CTNNA2: variants seen among roughly 807,000 people sequenced by gnomAD.
CTNNA2 encodes catenin alpha-2.
CTNNA2 carries 42 observed loss-of-function variants against 101.0 expected under a neutral mutation model. The observed-to-expected ratio is 0.42, with a 90% confidence interval of 0.32 to 0.54. The LOEUF (loss-of-function observed/expected upper bound fraction) is 0.54, where lower values mean the gene tolerates loss of function less well. Among genes scored for constraint, CTNNA2 ranks in the 20% least tolerant of loss-of-function variants. The pLI is 0.14. For missense variants in CTNNA2, 871 were observed against 1,223.1 expected (o/e 0.71, Z 4.29); for synonymous variants, 450 against 456.4 (o/e 0.99, Z 0.18).
chr2:79,768,998 G>A (rs1673376755), intron 3 of CTNNA2, among the ~76,000 whole-genome samples: 1 of 152,088 alleles, frequency 6.6e-6, no homozygotes. Context: ...GGGACTATAG[G>A]TGCCCGCCAC....
chr2:80,221,411 G>A (rs1367666043), intron 7 of CTNNA2, among the ~76,000 whole-genome samples: 1 of 152,182 alleles, frequency 6.6e-6, no homozygotes, highest in Non-Finnish European at 1.5e-5. Flanking sequence ...TGGCAAGTTG[G>A]AAAGAAATCC....
At chr2:79,757,425 T>C (rs1481128136) in intron 3 of CTNNA2, among the ~76,000 whole-genome samples, 1 of 152,220 alleles carries the variant, frequency 6.6e-6, no homozygotes, top group African/African-American at 2.4e-5. Context: ...GTTTAGAAGA[T>C]TGCCAATTCA....
intron 3 of CTNNA2, among the ~76,000 whole-genome samples, chr2:79,816,519 A>G (rs1455886752): frequency 6.6e-6 from 1 of 152,166 alleles, no homozygotes; most frequent in Non-Finnish European, 1.5e-5. Context: ...AGTTAATATA[A>G]AAAGAATGAG....
chr2:79,846,881 C>A (rs557528518), intron 3 of CTNNA2, among the ~76,000 whole-genome samples: 1 of 152,264 alleles, frequency 6.6e-6, no homozygotes, highest in South Asian at 2.1e-4. Context: ...TTATAACAAG[C>A]TAGAAACCAG....
chr2:79,961,649 C>G (rs1360639989), intron 7 of CTNNA2, among the ~76,000 whole-genome samples: 2 of 151,908 alleles, frequency 1.3e-5, no homozygotes, highest in Admixed American at 1.3e-4. Context: ...GGTGAAACCC[C>G]GTCTCTACTA....
chr2:79,738,752 C>G (rs1031173201), intron 2 of CTNNA2, among the ~76,000 whole-genome samples: 9 of 152,136 alleles, frequency 5.9e-5, no homozygotes, highest in African/African-American at 2.2e-4. Context: ...GACTCTGCTA[C>G]AGGAGGTGAG....
intron 7 of CTNNA2, among the ~76,000 whole-genome samples, chr2:80,094,705 T>G (rs1452788825): frequency 6.6e-6 from 1 of 152,182 alleles, no homozygotes; most frequent in African/African-American, 2.4e-5. Context: ...GTAATTCTCC[T>G]TGAAGAGGTC....
intron 7 of CTNNA2, among the ~76,000 whole-genome samples, chr2:80,004,708 T>TATTTATCC (rs1262182161): frequency 9.7e-5 from 13 of 133,830 alleles, no homozygotes; most frequent in African/African-American, 3.0e-4. Context: ...TTTATTTATT[T>TATTTATCC]ATCCATCCAT....
chr2:79,422,517 C>T (rs922707510), intron 4 of CTNNA2, among the ~76,000 whole-genome samples: 6 of 152,136 alleles, frequency 3.9e-5, no homozygotes, highest in Non-Finnish European at 8.8e-5. Flanking sequence ...AGCAGTCTTC[C>T]ATGGTTTTCT....
At chr2:80,220,770 C>A (rs1011575569) in intron 7 of CTNNA2, among the ~76,000 whole-genome samples, 1 of 152,176 alleles carries the variant, frequency 6.6e-6, no homozygotes, top group African/African-American at 2.4e-5. Context: ...AGTTAGAATT[C>A]TTTTCTGCTA....
intron 7 of CTNNA2, among the ~76,000 whole-genome samples, chr2:80,248,500 G>T (rs563015136): frequency 6.6e-6 from 1 of 152,188 alleles, no homozygotes; most frequent in South Asian, 2.1e-4. Context: ...CTCCAGATTC[G>T]TTGCATTAAA....
intron 3 of CTNNA2, among the ~76,000 whole-genome samples, chr2:79,827,336 C>T (rs1450183581): frequency 1.3e-5 from 2 of 152,090 alleles, no homozygotes; most frequent in East Asian, 3.9e-4. Flanking sequence ...CTGTGCCCGG[C>T]CAGATTGTAA....
In CTNNA2 at chr2:79,379,639, A is replaced by T. The variant is rs114799963; in HGVS notation, c.-135+5626A>T. ...TTAAGATGCTTCTACAAACATTTTCACACTTGTCCAACAATTTACTTGAGC... is the reference window on the plus strand; with the variant it reads ...TTAAGATGCTTCTACAAACATTTTCTCACTTGTCCAACAATTTACTTGAGC... On this transcript the variant is annotated intron_variant, in intron 4 of 21. Coordinates refer to the CTNNA2 transcript ENST00000466387. Among the ~76,000 whole-genome samples the T allele has an allele frequency of 5.3e-3, 807 of 152,322 alleles. 8 individuals carry two copies. Among genetic ancestry groups the T allele is most frequent in the African/African-American group, 0.018 (756 of 41,578 alleles).
intron 8 of CTNNA2, among the ~76,000 whole-genome samples, chr2:80,413,385 G>T (rs1679762206): frequency 6.6e-6 from 1 of 152,180 alleles, no homozygotes; most frequent in Admixed American, 6.5e-5. Flanking sequence ...AATGACCAGA[G>T]AATTTCGTGT....
At chr2:79,990,576 A>AT (rs1283503672) in intron 7 of CTNNA2, among the ~76,000 whole-genome samples, 3 of 152,230 alleles carry the variant, frequency 2.0e-5, no homozygotes, top group Non-Finnish European at 4.4e-5. Flanking sequence ...TAAAATAGGT[A>AT]TAAATAATAG....
At chr2:80,266,654 T>C (rs539940815) in intron 7 of CTNNA2, among the ~76,000 whole-genome samples, 1 of 152,366 alleles carries the variant, frequency 6.6e-6, no homozygotes, top group Middle Eastern at 3.4e-3. Flanking sequence ...TGATGTGCAG[T>C]ATTAAAAAAG....
chr2:79,951,043 C>G (rs1318414223), intron 7 of CTNNA2, among the ~76,000 whole-genome samples: 1 of 152,142 alleles, frequency 6.6e-6, no homozygotes, highest in African/African-American at 2.4e-5. Context: ...AATCATTATC[C>G]TCTGTTGGCT....
intron 2 of CTNNA2, among the ~76,000 whole-genome samples, chr2:79,264,842 C>T (rs529292739): frequency 6.6e-6 from 1 of 152,148 alleles, no homozygotes; most frequent in Non-Finnish European, 1.5e-5. Flanking sequence ...ACTCTAGCAA[C>T]TAAAGTTCAA....
intron 2 of CTNNA2, among the ~76,000 whole-genome samples, chr2:79,262,440 A>G (rs1315411892): frequency 1.3e-5 from 2 of 152,152 alleles, no homozygotes; most frequent in African/African-American, 4.8e-5. Flanking sequence ...AAATAAGATC[A>G]TTTCAAATCC....
Sources: gnomAD v4.1 joint callset for allele counts (sites outside exome capture counted in the v4.1 genomes callset) on GRCh38, gnomAD v4.1.1 for gene constraint, MANE v1.5 for transcripts, NCBI Gene and HGNC (gene_info 2026-07-23, HGNC 2026-07-21) for gene names.